TBCD: variants seen among roughly 807,000 people sequenced by gnomAD.
The protein encoded by TBCD is tubulin folding cofactor D.
In TBCD, 105 loss-of-function variants were observed where a neutral mutation model predicts 169.3. That is an observed-to-expected ratio of 0.62 (90% CI 0.53 to 0.73). TBCD has a LOEUF of 0.73. Ranked by LOEUF, TBCD falls within the 30% of genes least tolerant of loss-of-function variation. The probability of loss-of-function intolerance (pLI) is 0.00; values close to 1 mark genes in which losing one functional copy is unlikely to be tolerated. For synonymous variants in TBCD, 700 were observed against 643.9 expected (o/e 1.09, Z -1.32); for missense variants, 1,444 against 1,600.1 (o/e 0.90, Z 1.66).
Position 82,788,509 on chromosome 17 carries a change from G to A in TBCD, c.771+6788G>A, listed in dbSNP as rs139533724. On this transcript the variant is annotated intron_variant, in intron 7 of 38. Coordinates refer to ENST00000355528, the MANE Select transcript of TBCD (RefSeq NM_005993.5). Reference sequence around the variant, plus strand: ...GGCTCGAGTCTCCCCTTTGCAGTGCGGTTTCTTTTTATTTTTATCATTGAC... The same window carrying A: ...GGCTCGAGTCTCCCCTTTGCAGTGCAGTTTCTTTTTATTTTTATCATTGAC... Among the ~76,000 whole-genome samples, 6 of 152,088 alleles carry A rather than the reference G, an allele frequency of 3.9e-5. No individual in the cohort carries two copies. In the East Asian group the frequency reaches 1.2e-3, roughly 29 times the overall value.
At chr17:82,911,175 G>A (rs1451696807) in intron 22 of TBCD, among the ~76,000 whole-genome samples, 2 of 152,220 alleles carry the variant, frequency 1.3e-5, no homozygotes, top group Non-Finnish European at 2.9e-5. Flanking sequence ...CATTTCATAT[G>A]TTGCATTCTG....
intron 16 of TBCD, 132 bp from the exon 17 acceptor site, chr17:82,893,415 G>A (rs1234846909): frequency 3.0e-6 from 2 of 668,384 alleles, no homozygotes; most frequent in Admixed American, 6.1e-5. Flanking sequence ...TGTGGTGTGT[G>A]GCTTGCTCAC....
At chr17:82,914,917 T>A (rs772449103) in intron 23 of TBCD, among the ~76,000 whole-genome samples, 2 of 152,242 alleles carry the variant, frequency 1.3e-5, no homozygotes, top group Admixed American at 6.5e-5. Context: ...GCGTCTGTGG[T>A]CTTGGCCCCG....
chr17:82,753,073 C>G (rs185966077), intron 1 of TBCD, among the ~76,000 whole-genome samples: 1 of 152,156 alleles, frequency 6.6e-6, no homozygotes, highest in Non-Finnish European at 1.5e-5. Flanking sequence ...CAAACAAGTC[C>G]TTAGGAGCTC....
At chr17:82,932,096 C>T (rs572457806) in intron 33 of TBCD, 25 of 164,156 alleles carry the variant, frequency 1.5e-4, no homozygotes, top group South Asian at 1.3e-3. Flanking sequence ...ACTTTCCTCA[C>T]GTCCCAGCAT....
intron 1 of TBCD, among the ~76,000 whole-genome samples, chr17:82,755,828 C>T (rs543470906): frequency 1.8e-4 from 28 of 152,200 alleles, no homozygotes; most frequent in Admixed American, 9.8e-4. Flanking sequence ...TGGCCCTTAA[C>T]GGCTGGCAGA....
At chr17:82,759,877 T>C (rs1294302492) in intron 2 of TBCD, among the ~76,000 whole-genome samples, 1 of 142,596 alleles carries the variant, frequency 7.0e-6, no homozygotes, top group Non-Finnish European at 1.5e-5. Flanking sequence ...TCTGGGTCAT[T>C]TCGTTTGTTT....
rs1405783780 is a variant in TBCD at position 82,915,399 on chromosome 17, C to T, written c.2038+3610C>T. Among the ~76,000 whole-genome samples the T allele has an allele frequency of 1.3e-5, 2 of 152,156 alleles. No individual in the cohort carries two copies. Among genetic ancestry groups the T allele is most frequent in the Admixed American group, 6.5e-5 (1 of 15,280 alleles). ...GGTTGGCCTTTGTCGTGAATATTCA[C>T]GAGAGGAGATGAACATCCTGGATGT... On this transcript the variant is annotated intron_variant, in intron 23 of 38. Coordinates refer to ENST00000355528, the MANE Select transcript of TBCD (RefSeq NM_005993.5). The surrounding 1 kb of genome is among the most constrained non-coding windows in gnomAD (Gnocchi z 4.3).
chr17:82,938,069 T>A lies in TBCD; in HGVS notation c.3302T>A (p.Phe1101Tyr). Reference sequence around the variant, plus strand: ...GGCAGGTTCTGCGAGATGGTGCAGTTCCCCGGCGACGTGAGGAGGCAGGCC... The same window carrying A: ...GGCAGGTTCTGCGAGATGGTGCAGTACCCCGGCGACGTGAGGAGGCAGGCC... ...GIAVFCEMVQ[F>Y]PGDVRRQALL... The change falls in exon 36 of 39, where the codon TTC becomes TAC. Residue 1101 changes from phenylalanine to tyrosine, a missense_variant. Transcript: ENST00000355528. 6.2e-7 allele frequency: 1 copy of A among 1,613,116 alleles called. No individual in the cohort carries two copies. The highest frequency in any genetic ancestry group is 8.5e-7 in the Non-Finnish European group (1 of 1,179,818).
chr17:82,866,799 G>T (rs569952924), intron 13 of TBCD, among the ~76,000 whole-genome samples: 1 of 152,228 alleles, frequency 6.6e-6, no homozygotes, highest in African/African-American at 2.4e-5. Context: ...CCCCTCTGTG[G>T]CTCTGTCCAC....
chr17:82,919,789 AGT>A lies in TBCD; in HGVS notation c.2039-757_2039-756del, dbSNP rs561055010. Among the ~76,000 whole-genome samples, 13 of 152,106 alleles carry A rather than the reference AGT, an allele frequency of 8.5e-5. No individual in the cohort carries two copies. In the East Asian group the frequency reaches 2.5e-3, roughly 29 times the overall value. On this transcript the variant is annotated intron_variant, in intron 23 of 38. Coordinates refer to ENST00000355528, the MANE Select transcript of TBCD (RefSeq NM_005993.5). ...AGTGGCAGTATCTGTGACGATGGGA[AGT>A]GTGTGTGTGGTCCCTGTCCTGTGTG...
At chr17:82,879,473 A>G (rs952645316) in intron 14 of TBCD, among the ~76,000 whole-genome samples, 1 of 152,096 alleles carries the variant, frequency 6.6e-6, no homozygotes, top group African/African-American at 2.4e-5. Context: ...TCAGGGTGGG[A>G]CGCTCTGTGC....
rs560179423 is a variant in TBCD, at chr17:82,889,383, G to C, written c.1534-285G>C. Among the ~76,000 whole-genome samples the C allele has an allele frequency of 1.3e-5, 2 of 152,290 alleles. No individual in the cohort carries two copies. The highest frequency in any genetic ancestry group is 1.9e-4 in the East Asian group (1 of 5,166). On this transcript the variant is annotated intron_variant, in intron 15 of 38. Coordinates refer to ENST00000355528, the MANE Select transcript of TBCD (RefSeq NM_005993.5). This position sits in a 1 kb window ranked among gnomAD's most constrained non-coding sequence, Gnocchi z 5.3. ...GCCTGTCTGTCTCTCTGAGTTGACA[G>C]CCGGGGCCTCCGCGTGGGTGCTGCT...
intron 7 of TBCD, among the ~76,000 whole-genome samples, chr17:82,790,364 C>T (rs529625370): frequency 3.3e-5 from 5 of 152,270 alleles, no homozygotes; most frequent in East Asian, 1.9e-4. Context: ...AGGGTGGCCT[C>T]GGAAGCCTGT....
chr17:82,802,661 T>G (rs1264337219), intron 9 of TBCD, among the ~76,000 whole-genome samples: 2 of 152,190 alleles, frequency 1.3e-5, no homozygotes, highest in Non-Finnish European at 1.5e-5. Context: ...GCAGGAGGGC[T>G]TCCCCCCTCC....
intron 2 of TBCD, among the ~76,000 whole-genome samples, chr17:82,758,127 G>A (rs1312122662): frequency 1.3e-5 from 2 of 151,890 alleles, no homozygotes; most frequent in Non-Finnish European, 2.9e-5. Flanking sequence ...GGTGGCTTAT[G>A]CCTGTAATCC....
At chr17:82,905,440 T>C (rs953691486) in intron 19 of TBCD, among the ~76,000 whole-genome samples, 1 of 152,258 alleles carries the variant, frequency 6.6e-6, no homozygotes, top group Non-Finnish European at 1.5e-5. Flanking sequence ...CCCTGAGGGA[T>C]GCCAGTGTGG....
intron 13 of TBCD, among the ~76,000 whole-genome samples, chr17:82,850,256 G>A (rs1278605535): frequency 1.4e-5 from 2 of 144,580 alleles, no homozygotes; most frequent in African/African-American, 2.6e-5. Context: ...TGCTGTTGTT[G>A]GCTGTGTTGT....
chr17:82,807,883 C>T (rs1185409964), intron 11 of TBCD, among the ~76,000 whole-genome samples: 6 of 152,230 alleles, frequency 3.9e-5, no homozygotes, highest in African/African-American at 1.4e-4. Context: ...CTGGCCCTGC[C>T]GGGTCACGAG....
Sources: allele counts gnomAD v4.1 joint callset (sites outside exome capture counted in the v4.1 genomes callset), GRCh38; gene constraint gnomAD v4.1.1; non-coding constraint Gnocchi (gnomAD v3.1); transcripts MANE v1.5; gene names NCBI Gene and HGNC (gene_info 2026-07-23, HGNC 2026-07-21).